TMTC1: variants seen among roughly 807,000 people sequenced by gnomAD.
TMTC1 encodes transmembrane O-mannosyltransferase targeting cadherins 1, also known as protein O-mannosyl-transferase TMTC1.
A neutral mutation model predicts 104.8 loss-of-function variants in TMTC1; 73 were observed. The ratio of observed to expected loss-of-function variants is 0.70; its 90% CI spans 0.58 to 0.85. The LOEUF (loss-of-function observed/expected upper bound fraction) is 0.85, where lower values mean the gene tolerates loss of function less well. Ranked by LOEUF, TMTC1 falls within the 40% of genes least tolerant of loss-of-function variation. The pLI is 0.00. For synonymous variants in TMTC1, 434 were observed against 428.7 expected, an observed-to-expected ratio of 1.01 and a Z score of -0.15; for missense variants, 1,035 against 1,096.1, an observed-to-expected ratio of 0.94 and a Z score of 0.79.
chr12:29,695,793 T>TTTTATATATATATATATATATATA (rs371127995), intron 5 of TMTC1, among the ~76,000 whole-genome samples: 4 of 83,756 alleles, frequency 4.8e-5, no homozygotes, highest in Non-Finnish European at 1.1e-4. Flanking sequence ...TACTTCCTTT[T>TTTTATATATATATATATATATATA]TATATATATA....
intron 5 of TMTC1, 120 bp downstream of exon 5, chr12:29,751,546 A>G (rs1943089918): frequency 2.0e-6 from 2 of 995,534 alleles, no homozygotes; most frequent in Non-Finnish European, 1.6e-6. Flanking sequence ...GGAGGGAAGC[A>G]TGAAGAGAGG....
chr12:29,705,067 C>T (rs1241621934), intron 5 of TMTC1, among the ~76,000 whole-genome samples: 1 of 152,180 alleles, frequency 6.6e-6, no homozygotes, highest in Non-Finnish European at 1.5e-5. Context: ...GAAGAGTCCT[C>T]ACCCCAGAAG....
intron 6 of TMTC1, among the ~76,000 whole-genome samples, chr12:29,624,903 G>A (rs1307441337): frequency 6.6e-6 from 1 of 152,106 alleles, no homozygotes; most frequent in African/African-American, 2.4e-5. Context: ...TATAAGCCAA[G>A]GTTGTTTTCT....
At chr12:29,674,753 C>T (rs536626624) in intron 5 of TMTC1, among the ~76,000 whole-genome samples, 2 of 152,290 alleles carry the variant, frequency 1.3e-5, no homozygotes, top group East Asian at 1.9e-4. Flanking sequence ...GAAGGGGGGG[C>T]CTTTTCCTAA....
intron 5 of TMTC1, among the ~76,000 whole-genome samples, chr12:29,740,168 C>CA (rs1942787101): frequency 1.3e-5 from 2 of 152,124 alleles, no homozygotes. Context: ...TGTGCACCAC[C>CA]ATGCCTAGCT....
In TMTC1 at chr12:29,520,600, C is replaced by A. The variant is rs776589186; in HGVS notation, c.1888+18G>T. ...TTAGCTAATCTCAGCAGTACAGTTT[C>A]TCTTTAATTTCACTTACCAGTATCA... is the stretch of plus-strand genomic sequence containing the variant. On this transcript the variant is annotated intron_variant, in intron 12 of 17. Transcript: ENST00000539277. 1.9e-6 allele frequency: 3 copies of A among 1,584,572 alleles called. No individual in the cohort carries two copies. The highest frequency in any genetic ancestry group is 2.6e-6 in the Non-Finnish European group (3 of 1,155,908).
At chr12:29,670,901 T>C (rs1351717027) in intron 5 of TMTC1, among the ~76,000 whole-genome samples, 28 of 132,744 alleles carry the variant, frequency 2.1e-4, no homozygotes, top group East Asian at 1.1e-3. Flanking sequence ...TGCCACTGCA[T>C]TCCAGCCTGG....
chr12:29,546,156 G>A (rs995842979), intron 10 of TMTC1, among the ~76,000 whole-genome samples: 3 of 152,320 alleles, frequency 2.0e-5, no homozygotes, highest in Admixed American at 2.0e-4. Context: ...CTCTCCTCAC[G>A]TGATTCTCAG....
intron 6 of TMTC1, among the ~76,000 whole-genome samples, chr12:29,606,640 CTAAGAAT>C (rs1946706489): frequency 6.6e-6 from 1 of 152,158 alleles, no homozygotes; most frequent in South Asian, 2.1e-4. Context: ...GTAATTCATC[CTAAGAAT>C]TAAGAATTAA....
intron 7 of TMTC1, among the ~76,000 whole-genome samples, chr12:29,587,186 T>G (rs567109380): frequency 2.6e-5 from 4 of 152,282 alleles, no homozygotes; most frequent in African/African-American, 9.6e-5. Flanking sequence ...GTCGAGGAAT[T>G]TATCCATTTC....
intron 16 of TMTC1, among the ~76,000 whole-genome samples, chr12:29,513,325 TA>T (rs1943892075): frequency 6.6e-6 from 1 of 151,690 alleles, no homozygotes; most frequent in Non-Finnish European, 1.5e-5. Flanking sequence ...AATGGCCATA[TA>T]TATATATATA....
rs144934522 is a variant in TMTC1 at position 29,671,934 on chromosome 12, A to G, written c.939-38598T>C. 1.2e-3 allele frequency among the ~76,000 whole-genome samples: 177 copies of G among 152,350 alleles called. No homozygotes were observed. The Middle Eastern group carries it at 0.02, about 18-fold the overall frequency. On this transcript the variant is annotated intron_variant, in intron 5 of 17. Coordinates refer to ENST00000539277, the MANE Select transcript of TMTC1 (RefSeq NM_001193451.2). Reference sequence around the variant, plus strand: ...TGCCCCAGGCAGCTGCACAGGGACTAGAGTGAGCACAGCCTGCTCCGAAGC... The same window carrying G: ...TGCCCCAGGCAGCTGCACAGGGACTGGAGTGAGCACAGCCTGCTCCGAAGC...
intron 1 of TMTC1, among the ~76,000 whole-genome samples, chr12:29,778,660 G>C (rs1943766108): frequency 6.6e-6 from 1 of 152,236 alleles, no homozygotes; most frequent in Admixed American, 6.5e-5. Flanking sequence ...TGAAAAGACT[G>C]AATCTGAGAT....
chr12:29,573,036 A>G (rs1162400409), intron 8 of TMTC1, among the ~76,000 whole-genome samples: 1 of 152,108 alleles, frequency 6.6e-6, no homozygotes, highest in Non-Finnish European at 1.5e-5. Flanking sequence ...AAACCCATGC[A>G]ACTGGTTAGT....
At chr12:29,615,849 C>A (rs568798527) in intron 6 of TMTC1, among the ~76,000 whole-genome samples, 1 of 152,034 alleles carries the variant, frequency 6.6e-6, no homozygotes, top group Non-Finnish European at 1.5e-5. Context: ...GCTGTGGTGG[C>A]GGTTGTTTTT....
At chr12:29,606,630 G>A (rs773902506) in intron 6 of TMTC1, among the ~76,000 whole-genome samples, 2 of 152,138 alleles carry the variant, frequency 1.3e-5, no homozygotes, top group Non-Finnish European at 2.9e-5. Context: ...ATACACCCTA[G>A]TAATTCATCC....
chr12:29,516,232 T>C, intron 15 of TMTC1, 117 bp downstream of exon 15: 1 of 1,298,370 alleles, frequency 7.7e-7, no homozygotes, highest in Non-Finnish European at 1.0e-6. Flanking sequence ...TAGGATATGC[T>C]GACGGATAAG....
At chr12:29,687,438 G>A (rs6487843) in intron 5 of TMTC1, among the ~76,000 whole-genome samples, 30,723 of 152,186 alleles carry the variant, frequency 0.2, 3,451 homozygotes, top group East Asian at 0.3. Context: ...CCATAAAGAG[G>A]AAGAAAGACT....
intron 1 of TMTC1, among the ~76,000 whole-genome samples, chr12:29,780,973 A>G (rs145185843): frequency 1.3e-5 from 2 of 152,374 alleles, no homozygotes; most frequent in South Asian, 2.1e-4. Flanking sequence ...ATCTAAAATA[A>G]AAATCATAAA....
Sources: gnomAD v4.1 joint callset for allele counts (sites outside exome capture counted in the v4.1 genomes callset) on GRCh38, gnomAD v4.1.1 for gene constraint, MANE v1.5 for transcripts, NCBI Gene and HGNC (gene_info 2026-07-23, HGNC 2026-07-21) for gene names.